Variants in RIN2 observed in about 807,000 individuals in gnomAD.
RIN2 encodes Ras and Rab interactor 2.
Under a neutral mutation model 78.0 loss-of-function variants are expected in RIN2, and 36 were observed. The observed-to-expected ratio is 0.46, with a 90% CI of 0.35 to 0.61. RIN2 has a LOEUF of 0.61. Ranked by LOEUF, RIN2 falls within the 20% of genes least tolerant of loss-of-function variation. RIN2 has a pLI of 0.00. For missense variants in RIN2, 1,087 were observed against 1,159.7 expected, an observed-to-expected ratio of 0.94 and a Z score of 0.91; for synonymous variants, 466 against 466.8, an observed-to-expected ratio of 1.00 and a Z score of 0.02.
chr20:19,823,595 G>C (rs61729439), intron 2 of RIN2: 29 of 1,522,036 alleles, frequency 1.9e-5, no homozygotes, highest in Non-Finnish European at 2.3e-5. Context: ...GATTGGTGCC[G>C]CATCTGTCGA....
At chr20:19,952,411 C>T (rs545323421) in intron 4 of RIN2, among the ~76,000 whole-genome samples, 1 of 152,318 alleles carries the variant, frequency 6.6e-6, no homozygotes, top group South Asian at 2.1e-4. Flanking sequence ...TAGTTTTTTC[C>T]TGAAGGTTGT....
At chr20:19,794,523 C>A (rs1031819741) in intron 1 of RIN2, among the ~76,000 whole-genome samples, 5 of 109,672 alleles carry the variant, frequency 4.6e-5, no homozygotes, top group African/African-American at 1.9e-4. Flanking sequence ...CAGGGTGAGA[C>A]CCTGTATCCA....
intron 4 of RIN2, among the ~76,000 whole-genome samples, chr20:19,940,072 T>G (rs1432239540): frequency 6.6e-6 from 1 of 152,116 alleles, no homozygotes; most frequent in African/African-American, 2.4e-5. Context: ...GGCTGGTCTT[T>G]AACTCCTGAG....
At chr20:19,998,127 C>T (rs990171251) in intron 12 of RIN2, among the ~76,000 whole-genome samples, 186 of 152,034 alleles carry the variant, frequency 1.2e-3, no homozygotes, top group African/African-American at 4.4e-3. Context: ...TACAGGTGCT[C>T]ACCACCACAC....
chr20:19,826,997 CAG>C (rs1283795462), intron 2 of RIN2, among the ~76,000 whole-genome samples: 3 of 117,794 alleles, frequency 2.5e-5, no homozygotes, highest in African/African-American at 7.0e-5. Flanking sequence ...TTTTTTGAGA[CAG>C]AGTTTCGCTC....
intron 4 of RIN2, among the ~76,000 whole-genome samples, chr20:19,952,628 T>A (rs1014958251): frequency 1.3e-5 from 2 of 152,142 alleles, no homozygotes; most frequent in Non-Finnish European, 2.9e-5. Context: ...GCTTTTCAGC[T>A]CCTTGAAACC....
intron 2 of RIN2, among the ~76,000 whole-genome samples, chr20:19,844,066 T>C (rs936871281): frequency 6.6e-6 from 1 of 152,192 alleles, no homozygotes; most frequent in African/African-American, 2.4e-5. Context: ...GTAAATCATA[T>C]TGAAATCCTC....
At chr20:19,766,002 C>T (rs1480487211) in intron 1 of RIN2, among the ~76,000 whole-genome samples, 5 of 152,044 alleles carry the variant, frequency 3.3e-5, no homozygotes, top group African/African-American at 4.8e-5. Flanking sequence ...TTGACGGAGG[C>T]GCTTTATTAG....
At chr20:19,777,638 T>A (rs2034356156) in intron 1 of RIN2, among the ~76,000 whole-genome samples, 1 of 152,392 alleles carries the variant, frequency 6.6e-6, no homozygotes, top group Middle Eastern at 3.4e-3. Flanking sequence ...TGATTTTTCT[T>A]ATACTAGTTT....
chr20:19,987,560 AT>A (rs1302773631), intron 9 of RIN2, among the ~76,000 whole-genome samples: 3 of 152,234 alleles, frequency 2.0e-5, no homozygotes, highest in Non-Finnish European at 4.4e-5. Flanking sequence ...TAATATTAGT[AT>A]TGTGCAAAAA....
chr20:19,890,360 GC>G, intron 3 of RIN2, among the ~76,000 whole-genome samples: 1 of 152,118 alleles, frequency 6.6e-6, no homozygotes, highest in East Asian at 1.9e-4. Context: ...CCCTCTTGTG[GC>G]TTTTTGCTTT....
intron 3 of RIN2, among the ~76,000 whole-genome samples, chr20:19,922,748 C>T (rs548210608): frequency 2.6e-5 from 4 of 152,322 alleles, no homozygotes; most frequent in African/African-American, 9.6e-5. Context: ...GAGCTTCCCT[C>T]CTGCTCCCAG....
intron 2 of RIN2, among the ~76,000 whole-genome samples, chr20:19,830,010 G>A (rs953606312): frequency 1.3e-5 from 2 of 152,148 alleles, no homozygotes; most frequent in East Asian, 1.9e-4. Flanking sequence ...TCTTATTTTT[G>A]CATCGTATGT....
intron 2 of RIN2, among the ~76,000 whole-genome samples, chr20:19,857,356 A>T: frequency 6.6e-6 from 1 of 152,192 alleles, no homozygotes; most frequent in Non-Finnish European, 1.5e-5. Context: ...TGAATAATAC[A>T]ATGGATTCAT....
intron 2 of RIN2, among the ~76,000 whole-genome samples, chr20:19,861,486 C>T (rs1041769720): frequency 2.6e-5 from 4 of 152,300 alleles, no homozygotes; most frequent in East Asian, 1.9e-4. Flanking sequence ...TGAGCAAGAA[C>T]GCCCTGCCCT....
At chr20:19,825,300 G>T (rs1568787378) in intron 2 of RIN2, among the ~76,000 whole-genome samples, 1 of 152,214 alleles carries the variant, frequency 6.6e-6, no homozygotes, top group East Asian at 1.9e-4. Context: ...CTGCTACCTG[G>T]TTGATGTCCT....
chr20:19,972,080 G>A (rs1050749609), intron 8 of RIN2, among the ~76,000 whole-genome samples: 1 of 152,144 alleles, frequency 6.6e-6, no homozygotes, highest in African/African-American at 2.4e-5. Flanking sequence ...ATTGCCTTCT[G>A]TGTTTGAGGC....
intron 3 of RIN2, among the ~76,000 whole-genome samples, chr20:19,927,497 C>G (rs1166831860): frequency 6.6e-6 from 1 of 152,066 alleles, no homozygotes; most frequent in East Asian, 1.9e-4. Context: ...TCACTGCAAC[C>G]TCTGTCTCCC....
At chr20:19,961,479 G>C (rs1485579295) in intron 6 of RIN2, among the ~76,000 whole-genome samples, 1 of 152,154 alleles carries the variant, frequency 6.6e-6, no homozygotes, top group Admixed American at 6.5e-5. Context: ...GAAAGGATCG[G>C]AAGATGGATC....
Sources: allele counts gnomAD v4.1 joint callset (sites outside exome capture counted in the v4.1 genomes callset), GRCh38; gene constraint gnomAD v4.1.1; transcripts MANE v1.5; gene names NCBI Gene and HGNC (gene_info 2026-07-23, HGNC 2026-07-21).